The following SMAD2 variants were observed in gnomAD, a reference collection of about 807,000 sequenced individuals.
SMAD2 encodes MAD homolog 2.
Under a neutral mutation model 64.4 loss-of-function variants are expected in SMAD2, and 8 were observed. The observed-to-expected ratio is 0.12, with a 90% CI of 0.07 to 0.22. The LOEUF is 0.22. Among genes scored for constraint, SMAD2 ranks in the 10% least tolerant of loss-of-function variants. The pLI is 1.00. For missense variants in SMAD2, 289 were observed against 561.2 expected (o/e 0.51, Z 4.90); for synonymous variants, 203 against 195.8 (o/e 1.04, Z -0.31).
chr18:47,853,625 A>C (rs1200694143), intron 6 of SMAD2, among the ~76,000 whole-genome samples: 1 of 152,160 alleles, frequency 6.6e-6, no homozygotes, highest in African/African-American at 2.4e-5. Context: ...CAGGCAATAA[A>C]GGTGAAATGG....
At position 47,915,828 on chromosome 18, in the gene SMAD2, G is replaced by A. The variant is rs551221706; in HGVS notation, c.-54+14533C>T. 4.1e-4 allele frequency among the ~76,000 whole-genome samples: 63 copies of A among 152,122 alleles called. No homozygotes were observed. In the Middle Eastern group the frequency reaches 0.014, roughly 33 times the overall value. ...CTTTTCAGTCAATCCACCTTCCCCCGTCAGGCAACTACTGACTTCTATTAC... is the reference window on the plus strand; with the variant it reads ...CTTTTCAGTCAATCCACCTTCCCCCATCAGGCAACTACTGACTTCTATTAC... On this transcript the variant is annotated intron_variant, in intron 1 of 10. Coordinates refer to ENST00000262160, the MANE Select transcript of SMAD2 (RefSeq NM_005901.6).
Position 47,821,813 on chromosome 18 carries a change from T to A in SMAD2, c.*20014A>T, listed in dbSNP as rs903147231. 6.6e-6 allele frequency: 1 copy of A among 152,216 alleles called. No homozygotes were observed. Among genetic ancestry groups the A allele is most frequent in the Non-Finnish European group, 1.5e-5 (1 of 68,026 alleles). 9.4% of individuals were successfully genotyped at this position (152,216 alleles called of 1,614,324 possible). ...TTTGAAAAGATGGTTTTTAAATGTA[T>A]GTAACTTTCTGCATTGCTTCTTAAG... On this transcript the variant is annotated 3_prime_UTR_variant, in exon 11 of 11. Transcript: ENST00000262160.
In SMAD2 at chr18:47,852,321, C is replaced by T. The variant is rs770408685; in HGVS notation, c.731-994G>A. ...GATTTATCAATCATCTTTGGGTTAG[C>T]GTCACACTTTGGGATAAAACAGTGA... On this transcript the variant is annotated intron_variant, in intron 6 of 10. Transcript: ENST00000262160. Among the ~76,000 whole-genome samples the T allele has an allele frequency of 2.0e-5, 3 of 152,230 alleles. No homozygotes were observed. In the South Asian group the frequency reaches 6.2e-4, roughly 32 times the overall value.
chr18:47,832,057 T>C lies in SMAD2; in HGVS notation c.*9770A>G, dbSNP rs1407139421. 6.6e-6 allele frequency: 1 copy of C among 152,208 alleles called. No homozygotes were observed. The highest frequency in any genetic ancestry group is 2.4e-5 in the African/African-American group (1 of 41,448). 9.4% of individuals were successfully genotyped at this position (152,208 alleles called of 1,614,324 possible). On this transcript the variant is annotated 3_prime_UTR_variant, in exon 11 of 11. Transcript: ENST00000262160. ...ATTACATTGGATGACATCAGTTTGA[T>C]ACTGATGCCTGCTTCCTGCACTAAG...
In SMAD2 at chr18:47,824,926, G is replaced by C. The variant is rs1912695071; in HGVS notation, c.*16901C>G. 6.6e-6 allele frequency: 1 copy of C among 152,144 alleles called. No homozygotes were observed. The highest frequency in any genetic ancestry group is 6.5e-5 in the Admixed American group (1 of 15,280). The allele number at this position is 152,144 out of a possible 1,614,324, so 9.4% of individuals were successfully genotyped here. ...ATGATTTTAGTAGCTTTCTCTAATG[G>C]AATGTGCTGTGAGTGAAGCTTCAAA... On this transcript the variant is annotated 3_prime_UTR_variant, in exon 11 of 11. Transcript: ENST00000262160.
Position 47,808,971 on chromosome 18 carries a change from T to C in SMAD2, c.*32856A>G, listed in dbSNP as rs1568010599. 1 of 152,260 alleles carries C rather than the reference T, an allele frequency of 6.6e-6. No homozygotes were observed. The highest frequency in any genetic ancestry group is 1.5e-5 in the Non-Finnish European group (1 of 68,050). 9.4% of individuals were successfully genotyped at this position (152,260 alleles called of 1,614,324 possible). On this transcript the variant is annotated 3_prime_UTR_variant, in exon 11 of 11. Coordinates refer to ENST00000262160, the MANE Select transcript of SMAD2 (RefSeq NM_005901.6). Reference sequence around the variant, plus strand: ...AGTCTCGTTGCTTCATTTCCACCTTTATTCTTTATTACCAACACCAAACAG... The same window carrying C: ...AGTCTCGTTGCTTCATTTCCACCTTCATTCTTTATTACCAACACCAAACAG...
intron 2 of SMAD2, among the ~76,000 whole-genome samples, chr18:47,885,477 T>A (rs1216179078): frequency 6.6e-6 from 1 of 152,110 alleles, no homozygotes; most frequent in Non-Finnish European, 1.5e-5. Flanking sequence ...CAATATATAC[T>A]GTTTTTAACA....
intron 2 of SMAD2, among the ~76,000 whole-genome samples, chr18:47,881,525 A>G (rs1270713639): frequency 6.6e-6 from 1 of 152,208 alleles, no homozygotes; most frequent in Non-Finnish European, 1.5e-5. Context: ...ATAAATAAGC[A>G]TGTCATCTAC....
chr18:47,865,024 A>AAT lies in SMAD2; in HGVS notation c.730+33_730+34dup, dbSNP rs1277681645. The stretch of plus-strand genomic sequence containing the variant: ...CAAACAATACAAGAAATGTATATCT[A>AAT]ATAACTGAGGAATTTTCAAAGACAT... On this transcript the variant is annotated intron_variant, in intron 6 of 10. Coordinates refer to ENST00000262160, the MANE Select transcript of SMAD2 (RefSeq NM_005901.6). The AAT allele has an allele frequency of 3.3e-6, 4 of 1,202,716 alleles. No individual in the cohort carries two copies. In the African/African-American group the frequency reaches 6.0e-5, roughly 18 times the overall value. 74.5% of individuals were successfully genotyped at this position (1,202,716 alleles called of 1,614,324 possible).
intron 2 of SMAD2, among the ~76,000 whole-genome samples, chr18:47,887,716 G>A (rs2032985429): frequency 6.6e-6 from 1 of 152,062 alleles, no homozygotes; most frequent in Admixed American, 6.6e-5. Flanking sequence ...ACCGATACAG[G>A]GGCAGCTCCA....
At chr18:47,916,334 G>C (rs140531873) in intron 1 of SMAD2, among the ~76,000 whole-genome samples, 22 of 152,194 alleles carry the variant, frequency 1.4e-4, no homozygotes, top group Middle Eastern at 3.4e-3. Flanking sequence ...TTGCCCATAC[G>C]GGGTCTTCAT....
At chr18:47,888,508 T>C (rs1453037775) in intron 2 of SMAD2, among the ~76,000 whole-genome samples, 1 of 152,180 alleles carries the variant, frequency 6.6e-6, no homozygotes, top group Non-Finnish European at 1.5e-5. Flanking sequence ...AAAGTAGAAG[T>C]GAATCTCCCA....
intron 2 of SMAD2, among the ~76,000 whole-genome samples, chr18:47,892,937 T>G (rs2033267056): frequency 6.6e-6 from 1 of 152,226 alleles, no homozygotes; most frequent in Non-Finnish European, 1.5e-5. Context: ...CCATAGTCCT[T>G]ACTTTTAACT....
chr18:47,891,330 C>T (rs2033180632), intron 2 of SMAD2, among the ~76,000 whole-genome samples: 1 of 151,866 alleles, frequency 6.6e-6, no homozygotes, highest in South Asian at 2.1e-4. Flanking sequence ...AAACAAAATC[C>T]AAATGTTAAT....
rs931272823 is a variant in SMAD2, at chr18:47,868,311, A to G, written c.655+12T>C. On this transcript the variant is annotated intron_variant, in intron 5 of 10. Transcript: ENST00000262160. ...CTATCCAAGTTTTAGGAGATTCAGA[A>G]GGCAAAAATACCTGGAATATAATTA... 1.9e-6 allele frequency: 3 copies of G among 1,611,266 alleles called. No individual in the cohort carries two copies. In the African/African-American group the frequency reaches 4.0e-5, roughly 22 times the overall value.
At chr18:47,895,469 C>T (rs10853560) in intron 2 of SMAD2, 85,054 of 152,116 alleles carry the variant, frequency 0.56, 24,181 homozygotes, top group East Asian at 0.82. Flanking sequence ...ACTTGTTTAT[C>T]GTGTATTTCT....
chr18:47,918,295 C>T (rs1049536022), intron 1 of SMAD2, among the ~76,000 whole-genome samples: 3 of 152,146 alleles, frequency 2.0e-5, no homozygotes, highest in African/African-American at 7.2e-5. Flanking sequence ...TGTTAAATGT[C>T]GACTCCCAAA....
rs1286461521 is a variant in SMAD2 at position 47,817,236 on chromosome 18, C to G, written c.*24591G>C. 1 of 152,194 alleles carries G rather than the reference C, an allele frequency of 6.6e-6. No homozygotes were observed. The highest frequency in any genetic ancestry group is 2.4e-5 in the African/African-American group (1 of 41,442). The allele number at this position is 152,194 out of a possible 1,614,324, so 9.4% of individuals were successfully genotyped here. A position where few individuals can be genotyped will look rare whatever the true frequency, so the allele number is the denominator to read the frequency against. On this transcript the variant is annotated 3_prime_UTR_variant, in exon 11 of 11. Coordinates refer to ENST00000262160, the MANE Select transcript of SMAD2 (RefSeq NM_005901.6). ...GCAGTACTCACAGGAGCCCTTTGGG[C>G]TCTCCGCTTACATAGCTTGTCTGTT...
chr18:47,850,236 A>AT (rs1568039864), intron 7 of SMAD2, among the ~76,000 whole-genome samples: 1 of 49,806 alleles, frequency 2.0e-5, no homozygotes, highest in African/African-American at 8.2e-5. Flanking sequence ...TATATATTAT[A>AT]TATTATATAT....
Sources: allele counts gnomAD v4.1 joint callset (sites outside exome capture counted in the v4.1 genomes callset), GRCh38; gene constraint gnomAD v4.1.1; transcripts MANE v1.5; gene names NCBI Gene and HGNC (gene_info 2026-07-23, HGNC 2026-07-21).